The following DRD3 variants were observed in gnomAD, a reference collection of about 807,000 sequenced individuals.
The protein encoded by DRD3 is D(3) dopamine receptor.
In DRD3, 19 loss-of-function variants were observed where a neutral mutation model predicts 36.3. The ratio of observed to expected loss-of-function variants is 0.52; its 90% CI spans 0.36 to 0.77. The LOEUF (loss-of-function observed/expected upper bound fraction) is 0.77, where lower values mean the gene tolerates loss of function less well. Among genes scored for constraint, DRD3 ranks in the 30% least tolerant of loss-of-function variants. The probability of loss-of-function intolerance (pLI) is 0.00; values close to 1 mark genes in which losing one functional copy is unlikely to be tolerated. For synonymous variants in DRD3, 195 were observed against 203.7 expected (o/e 0.96, Z 0.36); for missense variants, 465 against 505.3 (o/e 0.92, Z 0.77).
At chr3:114,130,017 A>C (rs1281583159) in intron 6 of DRD3, among the ~76,000 whole-genome samples, 1 of 152,126 alleles carries the variant, frequency 6.6e-6, no homozygotes, top group African/African-American at 2.4e-5. Context: ...GGAGGCTGAG[A>C]TGGGAGGATT....
intron 1 of DRD3, among the ~76,000 whole-genome samples, chr3:114,195,965 A>T (rs1193039259): frequency 6.6e-6 from 1 of 152,206 alleles, no homozygotes; most frequent in Non-Finnish European, 1.5e-5. Context: ...TTTAGGCTGT[A>T]TAAACAAAAG....
intron 1 of DRD3, among the ~76,000 whole-genome samples, chr3:114,174,876 G>A (rs1157319225): frequency 6.6e-6 from 1 of 151,842 alleles, no homozygotes; most frequent in Non-Finnish European, 1.5e-5. Flanking sequence ...AAGAAGCAAA[G>A]AGCCTAGAGA....
At chr3:114,191,928 A>G (rs2078012721) in intron 1 of DRD3, among the ~76,000 whole-genome samples, 1 of 152,246 alleles carries the variant, frequency 6.6e-6, no homozygotes, top group Admixed American at 6.5e-5. Context: ...CCAACCAAAT[A>G]AGACAGCAAA....
chr3:114,154,744 T>G (rs1191188401), intron 3 of DRD3, among the ~76,000 whole-genome samples: 1 of 152,090 alleles, frequency 6.6e-6, no homozygotes, highest in Non-Finnish European at 1.5e-5. Context: ...AACTCCCTGG[T>G]GAATGAATTT....
chr3:114,135,132 C>T (rs899432088), intron 5 of DRD3, among the ~76,000 whole-genome samples: 1 of 152,078 alleles, frequency 6.6e-6, no homozygotes, highest in African/African-American at 2.4e-5. Context: ...TCTATTTTCA[C>T]GATAACCACT....
chr3:114,157,204 C>A (rs1309875095), intron 3 of DRD3, among the ~76,000 whole-genome samples: 3 of 151,950 alleles, frequency 2.0e-5, no homozygotes, highest in African/African-American at 4.8e-5. Context: ...CAGGCACCCA[C>A]CACCATGTCC....
chr3:114,195,804 C>A (rs547554690), intron 1 of DRD3, among the ~76,000 whole-genome samples: 2 of 152,036 alleles, frequency 1.3e-5, no homozygotes, highest in East Asian at 1.9e-4. Flanking sequence ...TATAAAACAC[C>A]CATTTACATA....
At chr3:114,163,570 T>C (rs1021688218) in intron 2 of DRD3, among the ~76,000 whole-genome samples, 4 of 152,210 alleles carry the variant, frequency 2.6e-5, no homozygotes, top group African/African-American at 9.7e-5. Context: ...CAAAGTATAG[T>C]GGCTTGCCTC....
intron 1 of DRD3, among the ~76,000 whole-genome samples, chr3:114,190,407 G>T: frequency 1.5e-5 from 1 of 67,418 alleles, no homozygotes; most frequent in Admixed American, 2.5e-4. Flanking sequence ...AGAGGAAAAA[G>T]GATAATATAT....
chr3:114,142,172 A>T, intron 4 of DRD3, among the ~76,000 whole-genome samples: 1 of 151,996 alleles, frequency 6.6e-6, no homozygotes, highest in Non-Finnish European at 1.5e-5. Flanking sequence ...ATAGGGTGGC[A>T]GTGCGTGGTC....
chr3:114,173,037 G>A (rs1408667017), intron 1 of DRD3, among the ~76,000 whole-genome samples: 1 of 151,894 alleles, frequency 6.6e-6, no homozygotes, highest in Non-Finnish European at 1.5e-5. Flanking sequence ...AGGAGGTGGG[G>A]GTCTTTGAGA....
At chr3:114,139,787 CT>C in intron 4 of DRD3, 91 bp from the exon 5 acceptor site, 1 of 1,194,484 alleles carries the variant, frequency 8.4e-7, no homozygotes, top group Non-Finnish European at 1.2e-6. Flanking sequence ...CGTGTGGTGC[CT>C]GCACTTTCTG....
intron 5 of DRD3, among the ~76,000 whole-genome samples, chr3:114,137,880 C>T (rs1197977223): frequency 6.6e-6 from 1 of 150,642 alleles, no homozygotes; most frequent in Non-Finnish European, 1.5e-5. Context: ...CGCCTGTAGT[C>T]CCAGCTACTC....
At chr3:114,153,852 C>T (rs2077640858) in intron 3 of DRD3, among the ~76,000 whole-genome samples, 1 of 152,130 alleles carries the variant, frequency 6.6e-6, no homozygotes, top group African/African-American at 2.4e-5. Flanking sequence ...TATTACATCT[C>T]TCTCTCTGGG....
At chr3:114,137,835 C>CAAA (rs370174238) in intron 5 of DRD3, among the ~76,000 whole-genome samples, 20 of 141,478 alleles carry the variant, frequency 1.4e-4, no homozygotes, top group Middle Eastern at 3.6e-3. Context: ...ACTAAAAATA[C>CAAA]AAAAAAAAAA....
intron 3 of DRD3, among the ~76,000 whole-genome samples, 199 bp from the exon 4 acceptor site, chr3:114,147,756 A>G (rs554013457): frequency 1.3e-5 from 2 of 152,236 alleles, no homozygotes; most frequent in South Asian, 2.1e-4. Flanking sequence ...AGTATCTAGG[A>G]TATGCCTGTG....
chr3:114,142,398 C>T (rs1577588908), intron 4 of DRD3, among the ~76,000 whole-genome samples: 1 of 152,224 alleles, frequency 6.6e-6, no homozygotes, highest in Middle Eastern at 3.2e-3. Context: ...CTCCACCTAA[C>T]TTTCTACCTT....
In DRD3 at chr3:114,178,602, A is replaced by G. The variant is rs374173438; in HGVS notation, c.-36+55T>C. The G allele has an allele frequency of 2.6e-4, 39 of 152,314 alleles. No individual in the cohort carries two copies. In the South Asian group the frequency reaches 8.1e-3, roughly 32 times the overall value. 9.4% of individuals were successfully genotyped at this position (152,314 alleles called of 1,614,324 possible). ...CCACAGAACCCCAAGCTGATTAAAT[A>G]ACCTTGAGGAAAATACTATGTCCTA... On this transcript the variant is annotated intron_variant, in intron 1 of 6. Transcript: ENST00000383673.
chr3:114,180,690 A>T (rs952969181), upstream of DRD3, among the ~76,000 whole-genome samples: 1 of 152,208 alleles, frequency 6.6e-6, no homozygotes, highest in African/African-American at 2.4e-5. Flanking sequence ...GTTAGGTTCC[A>T]TATCCAAGGT....
Sources: allele counts gnomAD v4.1 joint callset (sites outside exome capture counted in the v4.1 genomes callset), GRCh38; gene constraint gnomAD v4.1.1; transcripts MANE v1.5; gene names NCBI Gene and HGNC (gene_info 2026-07-23, HGNC 2026-07-21).